AP1AR: variants seen among roughly 807,000 people sequenced by gnomAD.
AP1AR encodes the protein adaptor related protein complex 1 associated regulatory protein.
Under a neutral mutation model 46.3 loss-of-function variants are expected in AP1AR, and 29 were observed. That is an observed-to-expected ratio of 0.63 (90% CI 0.47 to 0.85). AP1AR has a LOEUF of 0.85. AP1AR is among the 40% of genes least tolerant of loss of function. The pLI, the probability that AP1AR is intolerant of heterozygous loss-of-function variation, is 0.00. For synonymous variants in AP1AR, 122 were observed against 122.9 expected (o/e 0.99, Z 0.05); for missense variants, 357 against 356.3 (o/e 1.00, Z -0.02).
chr4:112,266,535 T>C, intron 8 of AP1AR, 53 bp from the exon 9 acceptor site: 2 of 1,552,106 alleles, frequency 1.3e-6, no homozygotes, highest in South Asian at 2.4e-5. Context: ...AAAACGGCTG[T>C]TGCGGTGGAA....
intron 1 of AP1AR, among the ~76,000 whole-genome samples, chr4:112,252,017 A>G (rs1289803254): frequency 2.6e-5 from 4 of 152,178 alleles, no homozygotes; most frequent in Non-Finnish European, 4.4e-5. Flanking sequence ...TGGGAGTCCC[A>G]GAATTACTTG....
At chr4:112,249,280 A>G (rs1251035709) in intron 1 of AP1AR, among the ~76,000 whole-genome samples, 4 of 149,842 alleles carry the variant, frequency 2.7e-5, no homozygotes, top group Non-Finnish European at 5.9e-5. Context: ...AACAAGAGCA[A>G]AACTCTGTCT....
chr4:112,248,292 T>C (rs1459455976), intron 1 of AP1AR, among the ~76,000 whole-genome samples: 1 of 152,142 alleles, frequency 6.6e-6, no homozygotes, highest in African/African-American at 2.4e-5. Flanking sequence ...ACATACTCTG[T>C]GGGGCTTTTG....
At chr4:112,232,596 A>AT (rs1433292597) in intron 1 of AP1AR, among the ~76,000 whole-genome samples, 1 of 152,206 alleles carries the variant, frequency 6.6e-6, no homozygotes, top group Non-Finnish European at 1.5e-5. Flanking sequence ...AGCAGGTGGG[A>AT]TCTGGCTCCG....
chr4:112,246,783 C>G (rs1020086365), intron 1 of AP1AR, among the ~76,000 whole-genome samples: 2 of 152,184 alleles, frequency 1.3e-5, no homozygotes, highest in Admixed American at 1.3e-4. Context: ...TAACCCATCA[C>G]CTTGGAACAC....
rs900441049 is a variant in AP1AR at position 112,232,131 on chromosome 4, C to G, written c.40C>G (p.Arg14Gly). The change falls in exon 1 of 10, where the codon CGC (arginine) becomes GGC (glycine). Residue 14 changes from arginine (R) to glycine (G), a missense_variant. By Grantham distance (125) the Arg-to-Gly change is moderately radical (BLOSUM62 -2). This residue lies in a region of AP1AR where 269 missense variants were observed against 223.6 expected (regional missense o/e 1.20). Coordinates refer to ENST00000274000, the MANE Select transcript of AP1AR (RefSeq NM_018569.6). ...CCWTQCFGLL[R>G]KEAGRLQRVG... Reference sequence around the variant, plus strand: ...CTGGACGCAGTGCTTCGGACTGCTTCGCAAGGAAGCGGGGCGGCTGCAGCG... The same window carrying G: ...CTGGACGCAGTGCTTCGGACTGCTTGGCAAGGAAGCGGGGCGGCTGCAGCG... 7.8e-7 allele frequency: 1 copy of G among 1,283,342 alleles called. No individual in the cohort carries two copies. 79.5% of individuals were successfully genotyped at this position (1,283,342 alleles called of 1,614,324 possible).
intron 9 of AP1AR, 193 bp downstream of exon 9, chr4:112,266,909 A>C (rs1726733843): frequency 2.2e-6 from 1 of 449,978 alleles, no homozygotes; most frequent in African/African-American, 2.1e-5. Context: ...CTTAATTTTT[A>C]ATGTTTCTTT....
intron 4 of AP1AR, among the ~76,000 whole-genome samples, chr4:112,258,035 G>GT (rs1333544153): frequency 6.6e-6 from 1 of 151,954 alleles, no homozygotes; most frequent in East Asian, 1.9e-4. Flanking sequence ...CCTGTTATAT[G>GT]TTTTTTAGTT....
At chr4:112,242,535 G>C (rs1159881280) in intron 1 of AP1AR, among the ~76,000 whole-genome samples, 2 of 152,184 alleles carry the variant, frequency 1.3e-5, no homozygotes, top group East Asian at 3.8e-4. Flanking sequence ...GGTGCAGACT[G>C]CTTCCACTAG....
At chr4:112,254,985 G>A (rs1480836442) in intron 3 of AP1AR, 2 of 267,794 alleles carry the variant, frequency 7.5e-6, no homozygotes, top group African/African-American at 4.5e-5. Flanking sequence ...TCTTGAGACG[G>A]AGTCTCGCTC....
At chr4:112,236,358 A>G (rs544198708) in intron 1 of AP1AR, among the ~76,000 whole-genome samples, 2 of 149,474 alleles carry the variant, frequency 1.3e-5, no homozygotes, top group African/African-American at 4.9e-5. Context: ...TTGCTCAGCA[A>G]CTTCCATCTG....
chr4:112,263,094 GA>G lies in AP1AR; in HGVS notation c.381+12del. The G allele has an allele frequency of 1.2e-6, 2 of 1,608,686 alleles. No individual in the cohort carries two copies. Among genetic ancestry groups the G allele is most frequent in the South Asian group, 1.1e-5 (1 of 90,552 alleles). On this transcript the variant is annotated intron_variant, in intron 6 of 9. Transcript: ENST00000274000. The stretch of plus-strand genomic sequence containing the variant: ...CAGCGAAAGCTCTTGGAGGTGAGGG[GA>G]AAAGACCCCAGCATATATTAGGGTT...
At chr4:112,247,704 T>C (rs1349770290) in intron 1 of AP1AR, among the ~76,000 whole-genome samples, 3 of 152,236 alleles carry the variant, frequency 2.0e-5, no homozygotes, top group Non-Finnish European at 4.4e-5. Flanking sequence ...TCTACTATTA[T>C]AATAGCTTTC....
At position 112,269,271 on chromosome 4, in the gene AP1AR, A is replaced by G. The variant is rs1327665749; in HGVS notation, c.*862A>G. 6.6e-6 allele frequency: 1 copy of G among 152,316 alleles called. No homozygotes were observed. Among genetic ancestry groups the G allele is most frequent in the Non-Finnish European group, 1.5e-5 (1 of 67,862 alleles). The allele number at this position is 152,316 out of a possible 1,614,324, so 9.4% of individuals were successfully genotyped here. A position where few individuals can be genotyped will look rare whatever the true frequency, so the allele number is the denominator to read the frequency against. On this transcript the variant is annotated 3_prime_UTR_variant, in exon 10 of 10. Transcript: ENST00000274000. ...TTCTCTGCATGATTTCAGAAAAGAA[A>G]ATCTAAAAAGGTAATACGGGTATTT...
In AP1AR at chr4:112,268,281, GA is replaced by G; in HGVS notation, c.785del (p.Asn262MetfsTer20). 1 of 1,613,270 alleles carries G rather than the reference GA, an allele frequency of 6.2e-7. No homozygotes were observed. Among genetic ancestry groups the G allele is most frequent in the Non-Finnish European group, 8.5e-7 (1 of 1,179,432 alleles). ...ASDDSNGLEW[E>X]NDFVSAEMDD... ...TGATGATTCCAATGGGCTGGAGTGGGAAAATGATTTTGTTAGTGCCGAAATG... is the reference window on the plus strand; with the variant it reads ...TGATGATTCCAATGGGCTGGAGTGGGAAATGATTTTGTTAGTGCCGAAATG... On this transcript the variant is annotated frameshift_variant, in exon 10 of 10. Coordinates refer to ENST00000274000, the MANE Select transcript of AP1AR (RefSeq NM_018569.6). LOFTEE classifies it high-confidence loss of function.
At position 112,266,590 on chromosome 4, in the gene AP1AR, C is replaced by T; in HGVS notation, c.517C>T (p.Leu173Phe). Residue 173 changes from leucine (L) to phenylalanine (F), a missense_variant and splice_region_variant, in exon 9 of 10, where the codon CTC becomes TTC. Physicochemically the swap from Leu to Phe is conservative, Grantham distance 22. This residue lies in a region of AP1AR where 269 missense variants were observed against 223.6 expected (regional missense o/e 1.20). Coordinates refer to ENST00000274000, the MANE Select transcript of AP1AR (RefSeq NM_018569.6). ...ATTGTATTTCGTGTATATTCTAGGA[C>T]TCTCATCAGATGCTACAGTTTTGAC... ...SQYEVFRSSR[L>F]SSDATVLTPN... 6.2e-7 allele frequency: 1 copy of T among 1,609,178 alleles called. No homozygotes were observed. Among genetic ancestry groups the T allele is most frequent in the Non-Finnish European group, 8.5e-7 (1 of 1,177,094 alleles).
At chr4:112,237,342 G>A (rs1426270434) in intron 1 of AP1AR, among the ~76,000 whole-genome samples, 6 of 151,972 alleles carry the variant, frequency 3.9e-5, no homozygotes, top group East Asian at 1.9e-4. Context: ...TCCTGACCTC[G>A]TGATCCCCCC....
At chr4:112,232,233 G>A (rs1725041484) in intron 1 of AP1AR, 59 bp downstream of exon 1, 1 of 1,249,504 alleles carries the variant, frequency 8.0e-7, no homozygotes, top group Non-Finnish European at 1.0e-6. Flanking sequence ...GCCCCCGGCG[G>A]GGAATCCCTT....
chr4:112,263,464 G>GT (rs561616152), intron 6 of AP1AR, among the ~76,000 whole-genome samples: 2,520 of 142,276 alleles, frequency 0.018, 29 homozygotes, highest in Non-Finnish European at 0.026. Flanking sequence ...TTTTGTGAGG[G>GT]TTTTTTTTTT....
Sources: allele counts gnomAD v4.1 joint callset (sites outside exome capture counted in the v4.1 genomes callset), GRCh38; gene constraint gnomAD v4.1.1; regional missense constraint gnomAD v4.1.1; transcripts MANE v1.5; gene names NCBI Gene and HGNC (gene_info 2026-07-23, HGNC 2026-07-21).